DPYD: variants seen among roughly 807,000 people sequenced by gnomAD.
The protein encoded by DPYD is dihydropyrimidine dehydrogenase [NADP(+)].
DPYD carries 109 observed loss-of-function variants against 116.2 expected under a neutral mutation model. The observed-to-expected ratio is 0.94, with a 90% CI of 0.80 to 1.10. The LOEUF (loss-of-function observed/expected upper bound fraction) is 1.10. Ranked by LOEUF, DPYD falls within the 50% of genes least tolerant of loss-of-function variation. The pLI, the probability that DPYD is intolerant of heterozygous loss-of-function variation, is 0.00. For synonymous variants in DPYD, 440 were observed against 432.0 expected, an observed-to-expected ratio of 1.02 and a Z score of -0.23; for missense variants, 1,302 against 1,254.5, an observed-to-expected ratio of 1.04 and a Z score of -0.57.
intron 20 of DPYD, among the ~76,000 whole-genome samples, chr1:97,149,841 C>A (rs1654894246): frequency 6.6e-6 from 1 of 152,192 alleles, no homozygotes; most frequent in Non-Finnish European, 1.5e-5. Context: ...TTCATTGCAT[C>A]ACATTTCCTA....
chr1:97,523,737 G>A (rs185074040), intron 12 of DPYD, among the ~76,000 whole-genome samples: 14 of 151,942 alleles, frequency 9.2e-5, no homozygotes, highest in East Asian at 5.8e-4. Context: ...CTTTCCTGCC[G>A]GTGTTAATGC....
At chr1:97,885,516 A>C (rs1389343146) in intron 1 of DPYD, among the ~76,000 whole-genome samples, 1 of 152,088 alleles carries the variant, frequency 6.6e-6, no homozygotes, top group Non-Finnish European at 1.5e-5. Flanking sequence ...ATTCTTAGAC[A>C]AGAATAAAAT....
intron 3 of DPYD, among the ~76,000 whole-genome samples, chr1:97,760,002 T>C (rs1227193186): frequency 1.3e-5 from 2 of 152,268 alleles, no homozygotes; most frequent in African/African-American, 2.4e-5. Context: ...AAATGTCCCA[T>C]AGAAAGTGGC....
intron 8 of DPYD, among the ~76,000 whole-genome samples, chr1:97,647,729 GA>G (rs1242156699): frequency 6.6e-6 from 1 of 151,796 alleles, no homozygotes; most frequent in Non-Finnish European, 1.5e-5. Flanking sequence ...TAACTTCTGA[GA>G]AAACAGATAT....
chr1:97,513,495 CA>C, intron 13 of DPYD, among the ~76,000 whole-genome samples: 1 of 151,828 alleles, frequency 6.6e-6, no homozygotes, highest in South Asian at 2.1e-4. Flanking sequence ...CATATGATAA[CA>C]AAACCCCATA....
chr1:97,265,794 A>C (rs971714547), intron 18 of DPYD, among the ~76,000 whole-genome samples: 4 of 152,108 alleles, frequency 2.6e-5, no homozygotes, highest in Admixed American at 6.6e-5. Context: ...AACATGCTCA[A>C]TTTCAAACAT....
chr1:97,116,530 G>T (rs1213392538), intron 20 of DPYD, among the ~76,000 whole-genome samples: 3 of 151,774 alleles, frequency 2.0e-5, no homozygotes, highest in African/African-American at 7.3e-5. Context: ...AACTTAGCTG[G>T]GTGTGGTGGC....
chr1:97,699,321 C>T, intron 6 of DPYD, 30 bp downstream of exon 6: 1 of 1,600,682 alleles, frequency 6.2e-7, no homozygotes, highest in Admixed American at 1.7e-5. Context: ...ATTTCTGACA[C>T]TATAAACATG....
chr1:97,134,009 AAAAAAATATATATATATAT>A lies in DPYD; in HGVS notation c.2623-35396_2623-35378del, dbSNP rs1421523939. On this transcript the variant is annotated intron_variant, in intron 20 of 22. Coordinates refer to ENST00000370192, the MANE Select transcript of DPYD (RefSeq NM_000110.4). ...GCCAGACTCTGTTTCAAAAAAAAAAAAAAAAATATATATATATATATATATATATATATATATATATATA... is the reference window on the plus strand; with the variant it reads ...GCCAGACTCTGTTTCAAAAAAAAAAAATATATATATATATATATATATATA... Among the ~76,000 whole-genome samples, 454 of 47,876 alleles carry A rather than the reference AAAAAAATATATATATATAT, an allele frequency of 9.5e-3. 41 individuals are homozygous for A. Among genetic ancestry groups the A allele is most frequent in the Middle Eastern group, 0.016 (2 of 122 alleles). The allele number at this position is 47,876 out of a possible 152,430, so 31.4% of individuals were successfully genotyped here.
chr1:97,518,746 T>C (rs2101984502), intron 12 of DPYD, among the ~76,000 whole-genome samples: 1 of 152,234 alleles, frequency 6.6e-6, no homozygotes, highest in African/African-American at 2.4e-5. Context: ...AACCTAGGTG[T>C]TGAACAATGG....
chr1:97,556,325 C>T (rs1651701923), intron 11 of DPYD, among the ~76,000 whole-genome samples: 2 of 150,462 alleles, frequency 1.3e-5, no homozygotes, highest in South Asian at 2.1e-4. Context: ...TTTCTATTCC[C>T]TTTTTTTTTA....
chr1:97,383,093 G>C (rs1205658378), intron 14 of DPYD, among the ~76,000 whole-genome samples: 1 of 152,168 alleles, frequency 6.6e-6, no homozygotes, highest in African/African-American at 2.4e-5. Flanking sequence ...TTAGAACCCT[G>C]ACTCTGTCAC....
At chr1:97,573,301 T>C (rs1475505782) in intron 11 of DPYD, among the ~76,000 whole-genome samples, 2 of 152,130 alleles carry the variant, frequency 1.3e-5, no homozygotes, top group African/African-American at 4.8e-5. Flanking sequence ...TTAAACTTTC[T>C]AATTTGATAA....
Position 97,894,273 on chromosome 1 carries a change from G to C in DPYD, c.40-10899C>G, listed in dbSNP as rs1196512737. Among the ~76,000 whole-genome samples the C allele has an allele frequency of 3.3e-5, 5 of 151,840 alleles. No homozygotes were observed. In the East Asian group the frequency reaches 7.8e-4, roughly 24 times the overall value. ...ATAAGAAGCACTAATCCCACTATGA[G>C]GGTCCCACCCTCATGACCTCATCTA... On this transcript the variant is annotated intron_variant, in intron 1 of 22. Transcript: ENST00000370192.
At chr1:97,266,493 T>C (rs991640708) in intron 18 of DPYD, among the ~76,000 whole-genome samples, 2 of 152,188 alleles carry the variant, frequency 1.3e-5, no homozygotes, top group Non-Finnish European at 2.9e-5. Flanking sequence ...CAGAATACTA[T>C]AGACTGGGTA....
chr1:97,828,012 C>A lies in DPYD; in HGVS notation c.233+102G>T, dbSNP rs1378152249. 2.0e-5 allele frequency: 23 copies of A among 1,125,004 alleles called. No homozygotes were observed. In the South Asian group the frequency reaches 2.9e-4, roughly 14 times the overall value. 69.7% of individuals were successfully genotyped at this position (1,125,004 alleles called of 1,614,324 possible). On this transcript the variant is annotated intron_variant, in intron 3 of 22. Coordinates refer to ENST00000370192, the MANE Select transcript of DPYD (RefSeq NM_000110.4). ...ACTGACAAATTAATACCTTAGAGAA[C>A]AGAGCTGAATGGTGGCAATGAACTC...
intron 14 of DPYD, among the ~76,000 whole-genome samples, chr1:97,444,771 A>C (rs2101772501): frequency 6.6e-6 from 1 of 152,328 alleles, no homozygotes; most frequent in African/African-American, 2.4e-5. Flanking sequence ...TACTGGACAT[A>C]GGTTCTTAAC....
chr1:97,393,507 T>C (rs1319593803), intron 14 of DPYD, among the ~76,000 whole-genome samples: 1 of 151,376 alleles, frequency 6.6e-6, no homozygotes, highest in Admixed American at 6.6e-5. Context: ...AGTGTTCTCA[T>C]TGTTCAGTTC....
chr1:97,572,439 T>A (rs557842074), intron 11 of DPYD, among the ~76,000 whole-genome samples: 1 of 152,052 alleles, frequency 6.6e-6, no homozygotes, highest in South Asian at 2.1e-4. Flanking sequence ...AATATTAGGA[T>A]TGTCAATTAT....
Sources: allele counts gnomAD v4.1 joint callset (sites outside exome capture counted in the v4.1 genomes callset), GRCh38; gene constraint gnomAD v4.1.1; transcripts MANE v1.5; gene names NCBI Gene and HGNC (gene_info 2026-07-23, HGNC 2026-07-21).